Variants in SLIT3 observed in about 807,000 individuals in gnomAD.
The protein encoded by SLIT3 is slit homolog 3 protein.
Under a neutral mutation model 184.0 loss-of-function variants are expected in SLIT3, and 68 were observed. That is an observed-to-expected ratio of 0.37 (90% confidence interval 0.30 to 0.45). The LOEUF is 0.45. Among genes scored for constraint, SLIT3 ranks in the 20% least tolerant of loss-of-function variants. The pLI, the probability that SLIT3 is intolerant of heterozygous loss-of-function variation, is 1.00. For missense variants in SLIT3, 1,707 were observed against 2,026.0 expected, an observed-to-expected ratio of 0.84 and a Z score of 3.02; for synonymous variants, 831 against 828.6, an observed-to-expected ratio of 1.00 and a Z score of -0.05.
intron 4 of SLIT3, chr5:169,030,247 T>C (rs549764102): frequency 9.2e-4 from 140 of 152,402 alleles, no homozygotes; most frequent in African/African-American, 3.3e-3. Context: ...ATAATACTAA[T>C]GCCTTGCATT....
chr5:168,812,211 G>A (rs565179318), intron 8 of SLIT3, among the ~76,000 whole-genome samples: 8 of 152,306 alleles, frequency 5.3e-5, no homozygotes, highest in African/African-American at 1.9e-4. Context: ...AGGGTATTCG[G>A]GAGGAGGACA....
intron 20 of SLIT3, among the ~76,000 whole-genome samples, chr5:168,736,668 G>A (rs942586139): frequency 7.0e-6 from 1 of 143,882 alleles, no homozygotes; most frequent in Admixed American, 6.7e-5. Flanking sequence ...GCAATGCAGA[G>A]TGCCTGGGCT....
chr5:168,883,273 C>G lies in SLIT3; in HGVS notation c.477G>C (p.Val159=). ...PRKAFRGITD[V]KNLQLDNNHI... is the part of the protein sequence containing the mutation. ...AGGAAAACATCACTTACAGGTTCTT[C>G]ACATCGGTGATGCCGCGGAACGCCT... The change falls in exon 5 of 36, where the codon GTG becomes GTC. Residue 159 remains valine (V), a synonymous_variant. Transcript: ENST00000519560. 6.2e-7 allele frequency: 1 copy of G among 1,613,944 alleles called. No individual in the cohort carries two copies. The highest frequency in any genetic ancestry group is 8.5e-7 in the Non-Finnish European group (1 of 1,179,786).
chr5:169,095,891 C>G (rs1049259535), intron 4 of SLIT3, among the ~76,000 whole-genome samples: 6 of 152,174 alleles, frequency 3.9e-5, no homozygotes, highest in African/African-American at 1.2e-4. Context: ...CTTTTTAAAA[C>G]AATTTTAATT....
intron 1 of SLIT3, among the ~76,000 whole-genome samples, chr5:169,268,793 A>T (rs538508419): frequency 2.0e-5 from 3 of 152,352 alleles, no homozygotes; most frequent in South Asian, 4.1e-4. Context: ...TAAATTTTTT[A>T]AAAAGTTGTA....
Position 168,700,625 on chromosome 5 carries a change from C to T in SLIT3, c.2899G>A (p.Gly967Arg). 1.2e-6 allele frequency: 2 copies of T among 1,614,192 alleles called. No homozygotes were observed. Among genetic ancestry groups the T allele is most frequent in the Non-Finnish European group, 1.7e-6 (2 of 1,180,040 alleles). Residue 967 changes from glycine (G) to arginine (R), a missense_variant, in exon 27 of 36, where the codon GGA becomes AGA. By Grantham distance (125) the Gly-to-Arg change is moderately radical (BLOSUM62 -2). Around this residue, in one of 3 missense-constraint regions of SLIT3, gnomAD observed 1,307 missense variants for 1,511.6 expected, o/e 0.86. Transcript: ENST00000519560. The part of the protein sequence containing the change: ...NTCIQNPCQH[G>R]GTCHLSDSHK... The stretch of plus-strand genomic sequence containing the variant: ...CTGTCACTCAGGTGGCAGGTGCCTC[C>T]ATGCTGACAGGGGTTCTGGATGCAG...
At chr5:169,193,422 C>T in intron 4 of SLIT3, 57 bp downstream of exon 4, 29 of 1,443,768 alleles carry the variant, frequency 2.0e-5, no homozygotes, top group Non-Finnish European at 2.8e-5. Context: ...CCACATCCTC[C>T]ACATCACCCA....
Position 169,300,738 on chromosome 5 carries a change from G to A in SLIT3, c.-29C>T. 7.7e-7 allele frequency: 1 copy of A among 1,294,008 alleles called. No individual in the cohort carries two copies. Among genetic ancestry groups the A allele is most frequent in the Non-Finnish European group, 9.8e-7 (1 of 1,023,318 alleles). 80.2% of individuals were successfully genotyped at this position (1,294,008 alleles called of 1,614,324 possible). On this transcript the variant is annotated 5_prime_UTR_variant, in exon 1 of 36. Coordinates refer to ENST00000519560, the MANE Select transcript of SLIT3 (RefSeq NM_003062.4). This position sits in a 1 kb window ranked among gnomAD's most constrained non-coding sequence, Gnocchi z 4.1. ...GTGCAGGGCCCCGCTCCTGGAGGAG[G>A]CTGCCTCTGCGGGGCAAGACGCGTG...
chr5:168,884,100 G>A (rs1162967611), intron 4 of SLIT3, among the ~76,000 whole-genome samples: 1 of 151,462 alleles, frequency 6.6e-6, no homozygotes, highest in Non-Finnish European at 1.5e-5. Context: ...AAAGATATGG[G>A]CTGTTTTTTT....
chr5:169,210,197 A>G (rs1387442574), intron 3 of SLIT3, among the ~76,000 whole-genome samples: 2 of 152,198 alleles, frequency 1.3e-5, no homozygotes, highest in Non-Finnish European at 2.9e-5. Context: ...CAACGGACAT[A>G]GAGAGAAATG....
At chr5:169,111,933 T>C (rs1461741248) in intron 4 of SLIT3, among the ~76,000 whole-genome samples, 1 of 152,164 alleles carries the variant, frequency 6.6e-6, no homozygotes, top group Non-Finnish European at 1.5e-5. Flanking sequence ...TCCCTATGTC[T>C]AGTTTAGAGT....
intron 5 of SLIT3, among the ~76,000 whole-genome samples, chr5:168,857,378 GTT>G (rs748061805): frequency 2.8e-5 from 3 of 105,456 alleles, no homozygotes; most frequent in South Asian, 6.0e-4. Flanking sequence ...TTTTGTTTTT[GTT>G]TTGTTTTGTT....
At chr5:168,822,783 G>A (rs1366604440) in intron 7 of SLIT3, among the ~76,000 whole-genome samples, 1 of 152,134 alleles carries the variant, frequency 6.6e-6, no homozygotes, top group Non-Finnish European at 1.5e-5. Context: ...GCTGGGTGGG[G>A]GCTGGCTGGG....
intron 4 of SLIT3, among the ~76,000 whole-genome samples, chr5:168,973,341 G>A (rs10475530): frequency 0.02 from 3,048 of 152,172 alleles, 108 homozygotes; most frequent in African/African-American, 0.07. Context: ...TCTGCCTCCC[G>A]GGTTCAAGCG....
chr5:169,218,630 C>G (rs563468714), intron 3 of SLIT3, among the ~76,000 whole-genome samples: 69 of 152,316 alleles, frequency 4.5e-4, no homozygotes, highest in African/African-American at 1.6e-3. Flanking sequence ...GATTTAACAC[C>G]CCTAAAACTC....
intron 4 of SLIT3, among the ~76,000 whole-genome samples, chr5:168,912,901 G>T (rs141317755): frequency 1.1e-3 from 163 of 152,150 alleles, no homozygotes; most frequent in African/African-American, 3.7e-3. Flanking sequence ...TCCCCTTTGT[G>T]CCATCCAGCC....
intron 4 of SLIT3, among the ~76,000 whole-genome samples, chr5:169,064,098 C>T (rs986702526): frequency 1.3e-5 from 2 of 152,154 alleles, no homozygotes; most frequent in Non-Finnish European, 2.9e-5. Flanking sequence ...CAAATGAACA[C>T]CTTTCCATTC....
chr5:169,181,205 A>G (rs1763139161), intron 4 of SLIT3, among the ~76,000 whole-genome samples: 1 of 152,192 alleles, frequency 6.6e-6, no homozygotes. Context: ...ACTAAAGTGA[A>G]ATTATATCTG....
intron 4 of SLIT3, among the ~76,000 whole-genome samples, chr5:169,118,948 C>T (rs183966868): frequency 6.6e-6 from 1 of 152,224 alleles, no homozygotes; most frequent in East Asian, 1.9e-4. Context: ...TTTATGACCA[C>T]TTATTGTGTG....
Sources: gnomAD v4.1 joint callset for allele counts (sites outside exome capture counted in the v4.1 genomes callset) on GRCh38, gnomAD v4.1.1 for gene constraint, gnomAD v4.1.1 regional missense constraint, Gnocchi (gnomAD v3.1) non-coding constraint, MANE v1.5 for transcripts, NCBI Gene and HGNC (gene_info 2026-07-23, HGNC 2026-07-21) for gene names.